SSH3: variants seen among roughly 807,000 people sequenced by gnomAD.
The protein encoded by SSH3 is protein phosphatase Slingshot homolog 3.
SSH3 carries 67 observed loss-of-function variants against 75.0 expected under a neutral mutation model. That is an observed-to-expected ratio of 0.89 (90% confidence interval 0.73 to 1.10). The LOEUF (loss-of-function observed/expected upper bound fraction) is 1.10, where lower values mean the gene tolerates loss of function less well. Among genes scored for constraint, SSH3 ranks in the 50% least tolerant of loss-of-function variants. The pLI is 0.00. For missense variants in SSH3, 824 were observed against 872.7 expected, an observed-to-expected ratio of 0.94 and a Z score of 0.70; for synonymous variants, 318 against 349.2, an observed-to-expected ratio of 0.91 and a Z score of 1.00.
chr11:67,304,786 G>T lies in SSH3; in HGVS notation c.118G>T (p.Val40Leu), dbSNP rs368580290. 1 of 1,605,940 alleles carries T rather than the reference G, an allele frequency of 6.2e-7. No individual in the cohort carries two copies. The highest frequency in any genetic ancestry group is 1.3e-5 in the African/African-American group (1 of 75,008). ...SRLQRRQSFA[V>L]LRGAVLGLQD... is the part of the protein sequence containing the mutation. ...CTGCCCTGCCAGGCAGAGCTTTGCG[G>T]TGCTCCGTGGGGCTGTCCTGGGACT... The change falls in exon 3 of 14, where the codon GTG (valine) becomes TTG (leucine). Residue 40 changes from valine (V) to leucine (L), a missense_variant. Val to Leu is a conservative substitution (Grantham distance 32). Transcript: ENST00000308127.
At chr11:67,305,633 T>C (rs1861220686) in intron 3 of SSH3, among the ~76,000 whole-genome samples, 1 of 152,166 alleles carries the variant, frequency 6.6e-6, no homozygotes, top group Non-Finnish European at 1.5e-5. Context: ...CCTCAACCAG[T>C]AGAAGACTTT....
chr11:67,303,690 G>T lies in SSH3; in HGVS notation c.65G>T (p.Trp22Leu). 6.6e-7 allele frequency: 1 copy of T among 1,506,562 alleles called. No individual in the cohort carries two copies. The highest frequency in any genetic ancestry group is 8.8e-7 in the Non-Finnish European group (1 of 1,134,230). The allele number at this position is 1,506,562 out of a possible 1,614,324, so 93.3% of individuals were successfully genotyped here. A position where few individuals can be genotyped will look rare whatever the true frequency, so the allele number is the denominator to read the frequency against. Residue 22 changes from tryptophan (W) to leucine (L), a missense_variant and splice_region_variant, in exon 1 of 14, where the codon TGG (tryptophan) becomes TTG (leucine). Transcript: ENST00000308127. ...GGCGCCTCCACGCCCGTGGGGCCCT[G>T]GGTGAGTGTGGTCCGGCCGTGGTGC... Reference protein sequence around the residue: ...GSGASTPVGPWDQAVQRRSRL... With the variant: ...GSGASTPVGPLDQAVQRRSRL...
At chr11:67,303,913 G>C (rs1016387470) in intron 1 of SSH3, 1 of 776,416 alleles carries the variant, frequency 1.3e-6, no homozygotes, top group Non-Finnish European at 1.9e-6. Context: ...ATCTGAGCGC[G>C]CCCCCCGCCA....
chr11:67,307,242 C>T lies in SSH3; in HGVS notation c.536+129C>T, dbSNP rs945892602. ...ACTCTGGGGCCTGCTCCCAGCTCCA[C>T]GTCAGATTCACCGTGATCCTGAGCA... On this transcript the variant is annotated intron_variant, in intron 5 of 13. Coordinates refer to ENST00000308127, the MANE Select transcript of SSH3 (RefSeq NM_017857.4). The surrounding 1 kb of genome is among the most constrained non-coding windows in gnomAD (Gnocchi z 4.2). 13 of 1,553,762 alleles carry T rather than the reference C, an allele frequency of 8.4e-6. No homozygotes were observed. Among genetic ancestry groups the T allele is most frequent in the South Asian group, 1.2e-5 (1 of 85,326 alleles).
chr11:67,304,828 A>G lies in SSH3; in HGVS notation c.160A>G (p.Asn54Asp), dbSNP rs1266442968. The G allele has an allele frequency of 1.2e-6, 2 of 1,613,338 alleles. No homozygotes were observed. The highest frequency in any genetic ancestry group is 2.7e-5 in the African/African-American group (2 of 74,924). ...CCTGGGACTGCAGGATGGAGGGGAC[A>G]ATGATGATGCAGCAGAGGCCAGTTC... ...AVLGLQDGGD[N>D]DDAAEASSEP... The change falls in exon 3 of 14, where the codon AAT becomes GAT. Residue 54 changes from asparagine (N) to aspartate (D), a missense_variant. Coordinates refer to ENST00000308127, the MANE Select transcript of SSH3 (RefSeq NM_017857.4).
At position 67,304,756 on chromosome 11, in the gene SSH3, G is replaced by A. The variant is rs374423948; in HGVS notation, c.105-17G>A. The A allele has an allele frequency of 5.1e-6, 8 of 1,582,606 alleles. No individual in the cohort carries two copies. The highest frequency in any genetic ancestry group is 6.9e-6 in the Non-Finnish European group (8 of 1,164,736). On this transcript the variant is annotated splice_polypyrimidine_tract_variant and intron_variant, in intron 2 of 13. Coordinates refer to ENST00000308127, the MANE Select transcript of SSH3 (RefSeq NM_017857.4). ...AGGGGAATGAGGAGCCATGACAGTT[G>A]CCCACTGCCCTGCCAGGCAGAGCTT...
Position 67,304,916 on chromosome 11 carries a change from A to G in SSH3, c.248A>G (p.Gln83Arg), listed in dbSNP as rs1160245597. ...ELHGDQTDFG[Q>R]GSQSPQKQEE... The stretch of plus-strand genomic sequence containing the variant: ...CACGGGGACCAGACAGACTTCGGGC[A>G]AGGATCCCAGAGTCCCCAGAAGCAG... The change falls in exon 3 of 14, where the codon CAA (glutamine) becomes CGA (arginine). Residue 83 changes from glutamine (Q) to arginine (R), a missense_variant. Gln to Arg is a conservative substitution (Grantham distance 43). Coordinates refer to ENST00000308127, the MANE Select transcript of SSH3 (RefSeq NM_017857.4). 9 of 1,613,798 alleles carry G rather than the reference A, an allele frequency of 5.6e-6. No homozygotes were observed. Among genetic ancestry groups the G allele is most frequent in the Non-Finnish European group, 7.6e-6 (9 of 1,180,008 alleles).
At position 67,304,876 on chromosome 11, in the gene SSH3, A is replaced by G. The variant is rs1294202547; in HGVS notation, c.208A>G (p.Ser70Gly). ...TTCTGAGCCAACAGAGAAGGCCCCG[A>G]GTGAGGAGGAGCTCCACGGGGACCA... is the stretch of plus-strand genomic sequence containing the variant. The part of the protein sequence containing the change: ...ASSEPTEKAP[S>G]EEELHGDQTD... Residue 70 changes from serine to glycine, a missense_variant, in exon 3 of 14, where the codon AGT becomes GGT. Physicochemically the swap from Ser to Gly is moderately conservative, Grantham distance 56. Coordinates refer to ENST00000308127, the MANE Select transcript of SSH3 (RefSeq NM_017857.4). The G allele has an allele frequency of 1.2e-6, 2 of 1,613,670 alleles. No individual in the cohort carries two copies. The highest frequency in any genetic ancestry group is 1.7e-6 in the Non-Finnish European group (2 of 1,180,004).
rs965086996 is a variant in SSH3 at position 67,312,033 on chromosome 11, C to T, written c.*146C>T. On this transcript the variant is annotated 3_prime_UTR_variant, in exon 14 of 14. Coordinates refer to ENST00000308127, the MANE Select transcript of SSH3 (RefSeq NM_017857.4). Reference sequence around the variant, plus strand: ...GCCTCACCTCCCACCCCTGTCACTACGGCCTCACCTCCCACCCCTGTCACT... The same window carrying T: ...GCCTCACCTCCCACCCCTGTCACTATGGCCTCACCTCCCACCCCTGTCACT... 102 of 1,061,854 alleles carry T rather than the reference C, an allele frequency of 9.6e-5. No homozygotes were observed. The highest frequency in any genetic ancestry group is 2.9e-4 in the Middle Eastern group (1 of 3,414). The allele number at this position is 1,061,854 out of a possible 1,614,324, so 65.8% of individuals were successfully genotyped here.
intron 1 of SSH3, 24 bp from the exon 2 acceptor site, chr11:67,304,094 G>C: frequency 2.5e-6 from 4 of 1,578,160 alleles, no homozygotes; most frequent in Non-Finnish European, 3.4e-6. Flanking sequence ...CCCTCACCCT[G>C]CCCTGGGGCT....
In SSH3 at chr11:67,307,150, G is replaced by A. The variant is rs1861269887; in HGVS notation, c.536+37G>A. The A allele has an allele frequency of 1.2e-6, 2 of 1,609,272 alleles. No homozygotes were observed. Among genetic ancestry groups the A allele is most frequent in the Admixed American group, 3.3e-5 (2 of 59,876 alleles). Reference sequence around the variant, plus strand: ...CAACTGGAGGTGGGGGCTGGAGGGTGGAATAACTGAGTGTGACGGATGTGA... The same window carrying A: ...CAACTGGAGGTGGGGGCTGGAGGGTAGAATAACTGAGTGTGACGGATGTGA... On this transcript the variant is annotated intron_variant, in intron 5 of 13. Coordinates refer to ENST00000308127, the MANE Select transcript of SSH3 (RefSeq NM_017857.4). The surrounding 1 kb of genome is among the most constrained non-coding windows in gnomAD (Gnocchi z 4.2).
In SSH3 at chr11:67,311,730, G is replaced by A; in HGVS notation, c.1823G>A (p.Gly608Asp). The A allele has an allele frequency of 1.2e-6, 2 of 1,614,062 alleles. No homozygotes were observed. The highest frequency in any genetic ancestry group is 1.7e-6 in the Non-Finnish European group (2 of 1,180,022). Reference protein sequence around the residue: ...KSRQSVVTLQGSAVVANRTQA... With the variant: ...KSRQSVVTLQDSAVVANRTQA... The stretch of plus-strand genomic sequence containing the variant: ...CGCCAGTCAGTGGTTACCCTCCAGG[G>A]CAGTGCCGTGGTGGCCAACCGGACC... Residue 608 changes from glycine to aspartate, a missense_variant, in exon 14 of 14, where the codon GGC (glycine) becomes GAC (aspartate). Transcript: ENST00000308127.
Position 67,312,180 on chromosome 11 carries a change from G to A in SSH3, c.*293G>A. The A allele has an allele frequency of 2.1e-6, 1 of 487,786 alleles. No individual in the cohort carries two copies. The highest frequency in any genetic ancestry group is 3.7e-6 in the Non-Finnish European group (1 of 273,864). 30.2% of individuals were successfully genotyped at this position (487,786 alleles called of 1,614,324 possible). A position where few individuals can be genotyped will look rare whatever the true frequency, so the allele number is the denominator to read the frequency against. ...TACCTTTGGGGGCAACAGCACCCTA[G>A]TTTCATTCTCAACTCTAGCCCTGCA... On this transcript the variant is annotated 3_prime_UTR_variant, in exon 14 of 14. Coordinates refer to ENST00000308127, the MANE Select transcript of SSH3 (RefSeq NM_017857.4).
At position 67,308,302 on chromosome 11, in the gene SSH3, G is replaced by T. The variant is rs1185412359; in HGVS notation, c.1014G>T (p.Leu338=). 6.2e-7 allele frequency: 1 copy of T among 1,614,032 alleles called. No homozygotes were observed. Among genetic ancestry groups the T allele is most frequent in the Non-Finnish European group, 8.5e-7 (1 of 1,180,032 alleles). ...CCCGCATCTTCCCCCACCTCTACCT[G>T]GTGAGCTTCAGCCAGGCCTGGGCCA... The part of the protein sequence containing the change: ...RASRIFPHLY[L]GSEWNAANLE... Residue 338 remains leucine, a splice_region_variant and synonymous_variant, in exon 9 of 14, where the codon CTG becomes CTT. Coordinates refer to ENST00000308127, the MANE Select transcript of SSH3 (RefSeq NM_017857.4). The surrounding 1 kb of genome is among the most constrained non-coding windows in gnomAD (Gnocchi z 4.9).
rs751471581 is a variant in SSH3 at position 67,309,524 on chromosome 11, C to T, written c.1189C>T (p.Arg397Cys). The T allele has an allele frequency of 1.7e-5, 27 of 1,613,894 alleles. No homozygotes were observed. Among genetic ancestry groups the T allele is most frequent in the South Asian group, 1.3e-4 (12 of 91,088 alleles). Residue 397 changes from arginine (R) to cysteine (C), a missense_variant, in exon 11 of 14, where the codon CGC becomes TGC. Coordinates refer to ENST00000308127, the MANE Select transcript of SSH3 (RefSeq NM_017857.4). ...GCTGCCGCACTGGAAGGAGACGCAC[C>T]GCTTCATTGAGGCTGCAAGGTCGGT... ...QLLPHWKETH[R>C]FIEAARAQGT...
chr11:67,304,641 C>T (rs983883251), intron 2 of SSH3, 132 bp from the exon 3 acceptor site: 6 of 872,340 alleles, frequency 6.9e-6, no homozygotes, highest in East Asian at 2.6e-5. Flanking sequence ...CCACTCTAGA[C>T]CTATCGACCG....
Position 67,307,879 on chromosome 11 carries a change from C to A in SSH3, c.825C>A (p.Ile275=). The change falls in exon 8 of 14, where the codon ATC becomes ATA. Residue 275 remains isoleucine (I), a synonymous_variant. Transcript: ENST00000308127. This position sits in a 1 kb window ranked among gnomAD's most constrained non-coding sequence, Gnocchi z 4.2. The stretch of plus-strand genomic sequence containing the variant: ...AACAGGAGCAGATGGAGCAGGCGAT[C>A]CGTGCTGAGCTGTGGAAAGTGTTGG... ...SSEQEQMEQA[I]RAELWKVLDV... is the part of the protein sequence containing the mutation. 6.2e-7 allele frequency: 1 copy of A among 1,614,236 alleles called. No individual in the cohort carries two copies. The highest frequency in any genetic ancestry group is 8.5e-7 in the Non-Finnish European group (1 of 1,180,030).
Position 67,304,769 on chromosome 11 carries a change from C to G in SSH3, c.105-4C>G. The G allele has an allele frequency of 6.3e-7, 1 of 1,595,956 alleles. No individual in the cohort carries two copies. The highest frequency in any genetic ancestry group is 1.1e-5 in the South Asian group (1 of 88,634). Reference sequence around the variant, plus strand: ...GCCATGACAGTTGCCCACTGCCCTGCCAGGCAGAGCTTTGCGGTGCTCCGT... The same window carrying G: ...GCCATGACAGTTGCCCACTGCCCTGGCAGGCAGAGCTTTGCGGTGCTCCGT... On this transcript the variant is annotated splice_polypyrimidine_tract_variant and splice_region_variant and intron_variant, in intron 2 of 13. Transcript: ENST00000308127.
chr11:67,304,206 C>G (rs757809470), intron 2 of SSH3, 51 bp downstream of exon 2: 24 of 1,421,962 alleles, frequency 1.7e-5, no homozygotes, highest in Non-Finnish European at 2.3e-5. Flanking sequence ...CGGGCCTGGC[C>G]ACGGCCGTCC....
Sources: allele counts gnomAD v4.1 joint callset (sites outside exome capture counted in the v4.1 genomes callset), GRCh38; gene constraint gnomAD v4.1.1; non-coding constraint Gnocchi (gnomAD v3.1); transcripts MANE v1.5; gene names NCBI Gene and HGNC (gene_info 2026-07-23, HGNC 2026-07-21).